HIVEP3: variants seen among roughly 807,000 people sequenced by gnomAD.
HIVEP3 encodes HIVEP zinc finger 3, also known as transcription factor HIVEP3.
In HIVEP3, 49 loss-of-function variants were observed where a neutral mutation model predicts 152.8. The observed-to-expected ratio is 0.32, with a 90% CI of 0.26 to 0.41. The LOEUF (loss-of-function observed/expected upper bound fraction) is 0.41, where lower values mean the gene tolerates loss of function less well. Ranked by LOEUF, HIVEP3 falls within the 10% of genes least tolerant of loss-of-function variation. HIVEP3 has a pLI of 1.00. For missense variants in HIVEP3, 2,790 were observed against 3,103.3 expected (o/e 0.90, Z 2.40); for synonymous variants, 1,269 against 1,289.0 (o/e 0.98, Z 0.33).
At chr1:41,516,376 T>A (rs989707547) in intron 7 of HIVEP3, among the ~76,000 whole-genome samples, 1 of 152,168 alleles carries the variant, frequency 6.6e-6, no homozygotes, top group Non-Finnish European at 1.5e-5. Flanking sequence ...AGACACGAAC[T>A]CCTGCCGCTC....
At chr1:41,706,311 A>G (rs945064837) in intron 1 of HIVEP3, among the ~76,000 whole-genome samples, 9 of 152,040 alleles carry the variant, frequency 5.9e-5, no homozygotes, top group African/African-American at 2.2e-4. Context: ...TTTTTTTGAG[A>G]CGGAGTCTTG....
At chr1:41,599,926 C>CTT (rs1644721607) in intron 3 of HIVEP3, among the ~76,000 whole-genome samples, 1 of 152,032 alleles carries the variant, frequency 6.6e-6, no homozygotes, top group African/African-American at 2.4e-5. Context: ...AGACGTTTCT[C>CTT]CAAAGAAGAT....
intron 1 of HIVEP3, among the ~76,000 whole-genome samples, chr1:41,880,264 C>T (rs1025958679): frequency 6.6e-6 from 1 of 152,086 alleles, no homozygotes; most frequent in African/African-American, 2.4e-5. Context: ...TGGTCCCGAA[C>T]TCCTAGGCTC....
At chr1:41,868,315 T>A (rs1296895484) in intron 1 of HIVEP3, among the ~76,000 whole-genome samples, 1 of 151,612 alleles carries the variant, frequency 6.6e-6, no homozygotes, top group Non-Finnish European at 1.5e-5. Flanking sequence ...TCTACAAATA[T>A]ACAAATATTT....
At chr1:41,750,722 C>CTTTCTT (rs1647147301) in intron 1 of HIVEP3, among the ~76,000 whole-genome samples, 1 of 150,046 alleles carries the variant, frequency 6.7e-6, no homozygotes. Flanking sequence ...TTTTTTGACA[C>CTTTCTT]GCGTCTCGCT....
chr1:42,002,066 T>A (rs1645431355), intron 1 of HIVEP3, among the ~76,000 whole-genome samples: 1 of 152,174 alleles, frequency 6.6e-6, no homozygotes, highest in South Asian at 2.1e-4. Context: ...GACTGCCAGT[T>A]CTCTTTAGAA....
At chr1:41,986,438 C>CTTTTTTTTTTTTTT (rs34078704) in intron 1 of HIVEP3, among the ~76,000 whole-genome samples, 1 of 112,494 alleles carries the variant, frequency 8.9e-6, no homozygotes, top group Non-Finnish European at 1.8e-5. Flanking sequence ...TTGAATAGGA[C>CTTTTTTTTTTTTTT]TTTTTTTTTT....
intron 1 of HIVEP3, among the ~76,000 whole-genome samples, chr1:41,716,278 T>G (rs1558205536): frequency 6.6e-6 from 1 of 152,086 alleles, no homozygotes; most frequent in African/African-American, 2.4e-5. Context: ...TGGGCAAAAG[T>G]CCCAGCCAGA....
intron 1 of HIVEP3, among the ~76,000 whole-genome samples, chr1:41,970,110 C>T (rs1312691988): frequency 6.6e-6 from 1 of 152,158 alleles, no homozygotes; most frequent in African/African-American, 2.4e-5. Context: ...TTAGTTCAAC[C>T]ATTGTGGAAG....
intron 1 of HIVEP3, among the ~76,000 whole-genome samples, chr1:41,730,338 T>G (rs773306798): frequency 5.9e-5 from 9 of 152,312 alleles, no homozygotes; most frequent in Admixed American, 4.6e-4. Flanking sequence ...CCTGTAGAGC[T>G]GAGGGGGTGA....
chr1:41,806,946 G>A (rs532582726), intron 1 of HIVEP3, among the ~76,000 whole-genome samples: 6 of 152,122 alleles, frequency 3.9e-5, no homozygotes, highest in Non-Finnish European at 8.8e-5. Context: ...CAGGAGGATG[G>A]GATGAGTCAT....
chr1:41,553,229 A>G (rs1231170094), intron 5 of HIVEP3, among the ~76,000 whole-genome samples: 1 of 152,202 alleles, frequency 6.6e-6, no homozygotes, highest in Admixed American at 6.5e-5. Context: ...TTCTTGTTGA[A>G]TTGATCCCTT....
intron 1 of HIVEP3, among the ~76,000 whole-genome samples, chr1:41,880,230 G>A (rs1009398743): frequency 2.0e-5 from 3 of 151,984 alleles, no homozygotes; most frequent in Non-Finnish European, 4.4e-5. Flanking sequence ...AGTAGAGATG[G>A]GGGTCTCCCT....
At chr1:41,665,705 T>TACACAC (rs1489493920) in intron 2 of HIVEP3, among the ~76,000 whole-genome samples, 3 of 21,844 alleles carry the variant, frequency 1.4e-4, no homozygotes. Flanking sequence ...ACGGAAATGT[T>TACACAC]ATACACACAC....
At chr1:41,603,373 AT>A (rs1220604759) in intron 3 of HIVEP3, among the ~76,000 whole-genome samples, 3 of 119,824 alleles carry the variant, frequency 2.5e-5, no homozygotes, top group Non-Finnish European at 3.5e-5. Flanking sequence ...TGGCCTATTT[AT>A]TTTTTTAGAT....
At chr1:41,831,497 C>T (rs1642964349) in intron 1 of HIVEP3, among the ~76,000 whole-genome samples, 2 of 152,310 alleles carry the variant, frequency 1.3e-5, no homozygotes, top group Middle Eastern at 3.4e-3. Flanking sequence ...AACGGAGCTT[C>T]CCAGAGCATT....
chr1:41,638,915 C>T (rs574768344), intron 2 of HIVEP3, among the ~76,000 whole-genome samples: 1 of 152,332 alleles, frequency 6.6e-6, no homozygotes, highest in Non-Finnish European at 1.5e-5. Context: ...TTTCCAAGGG[C>T]TGGCAGGGAG....
intron 1 of HIVEP3, among the ~76,000 whole-genome samples, chr1:41,795,863 T>C (rs1194804724): frequency 1.3e-5 from 2 of 152,196 alleles, no homozygotes; most frequent in Non-Finnish European, 2.9e-5. Context: ...AACTACAAAA[T>C]GTTTTAGGCT....
intron 1 of HIVEP3, among the ~76,000 whole-genome samples, chr1:42,030,252 C>A (rs934404882): frequency 2.0e-5 from 3 of 152,104 alleles, no homozygotes; most frequent in Non-Finnish European, 4.4e-5. Flanking sequence ...GATTATTTTG[C>A]GATTTTTCTT....
Sources: gnomAD v4.1 joint callset for allele counts (sites outside exome capture counted in the v4.1 genomes callset) on GRCh38, gnomAD v4.1.1 for gene constraint, MANE v1.5 for transcripts, NCBI Gene and HGNC (gene_info 2026-07-23, HGNC 2026-07-21) for gene names.